The following NXPE1 variants were observed in gnomAD, a reference collection of about 807,000 sequenced individuals.
The protein encoded by NXPE1 is neurexophilin and PC-esterase domain family member 1, also known as NXPE family member 1.
Under a neutral mutation model 33.3 loss-of-function variants are expected in NXPE1, and 31 were observed. The ratio of observed to expected loss-of-function variants is 0.93; its 90% CI spans 0.70 to 1.26. The LOEUF (loss-of-function observed/expected upper bound fraction) is 1.26, where lower values mean the gene tolerates loss of function less well. Among genes scored for constraint, NXPE1 ranks in the 50% most tolerant of loss-of-function variants. The pLI, the probability that NXPE1 is intolerant of heterozygous loss-of-function variation, is 0.00. For synonymous variants in NXPE1, 229 were observed against 231.4 expected, an observed-to-expected ratio of 0.99 and a Z score of 0.09; for missense variants, 661 against 655.6, an observed-to-expected ratio of 1.01 and a Z score of -0.09.
intron 5 of NXPE1, among the ~76,000 whole-genome samples, chr11:114,542,799 C>T (rs936897541): frequency 6.6e-6 from 1 of 151,874 alleles, no homozygotes; most frequent in African/African-American, 2.4e-5. Flanking sequence ...ATCATTAGAA[C>T]AAAAATATAA....
intron 7 of NXPE1, among the ~76,000 whole-genome samples, chr11:114,525,305 G>A (rs1012086527): frequency 6.6e-6 from 1 of 151,658 alleles, no homozygotes; most frequent in African/African-American, 2.4e-5. Flanking sequence ...TATTAGATAG[G>A]GAGACTAATA....
intron 5 of NXPE1, among the ~76,000 whole-genome samples, chr11:114,531,615 A>G (rs1348677941): frequency 1.3e-5 from 2 of 152,012 alleles, no homozygotes; most frequent in Non-Finnish European, 1.5e-5. Flanking sequence ...TCTGTGGCCT[A>G]TTTTCAACTC....
chr11:114,537,516 G>T (rs1947879799), intron 5 of NXPE1, among the ~76,000 whole-genome samples: 1 of 152,180 alleles, frequency 6.6e-6, no homozygotes, highest in Admixed American at 6.5e-5. Flanking sequence ...TGACATGATT[G>T]TATATCTAGA....
At chr11:114,521,867 T>A (rs1485397677) in exon 9 of NXPE1, 4 of 924,820 alleles carry the variant, frequency 4.3e-6, no homozygotes, top group Middle Eastern at 2.4e-4. Context: ...TCTTTTAAAT[T>A]TATTTTCCTT....
chr11:114,557,444 A>T (rs1222417105), intron 1 of NXPE1, among the ~76,000 whole-genome samples: 1 of 151,714 alleles, frequency 6.6e-6, no homozygotes. Context: ...CAGGCATTTC[A>T]GTTCTAGAAA....
intron 5 of NXPE1, among the ~76,000 whole-genome samples, chr11:114,537,177 A>C (rs1947863202): frequency 6.6e-6 from 1 of 152,216 alleles, no homozygotes; most frequent in African/African-American, 2.4e-5. Flanking sequence ...CAAAGACAAA[A>C]ACCAGATGAT....
intron 1 of NXPE1, among the ~76,000 whole-genome samples, chr11:114,558,229 T>C (rs1378103282): frequency 6.6e-6 from 1 of 152,156 alleles, no homozygotes; most frequent in Non-Finnish European, 1.5e-5. Context: ...TATATATCCA[T>C]ATATATGCAC....
chr11:114,535,982 C>T (rs2135006179), intron 5 of NXPE1, among the ~76,000 whole-genome samples: 1 of 152,284 alleles, frequency 6.6e-6, no homozygotes, highest in East Asian at 1.9e-4. Flanking sequence ...AATATACATT[C>T]TTTTCAGCAC....
At chr11:114,523,003 T>C in exon 8 of NXPE1, 1 of 1,613,836 alleles carries the variant, frequency 6.2e-7, no homozygotes, top group Non-Finnish European at 8.5e-7. Flanking sequence ...GGTTGCAAAA[T>C]GTTGTTATCC....
intron 5 of NXPE1, among the ~76,000 whole-genome samples, chr11:114,534,256 A>G (rs1320097200): frequency 1.3e-5 from 2 of 152,230 alleles, no homozygotes; most frequent in African/African-American, 4.8e-5. Flanking sequence ...AACAAACAGA[A>G]AGGACATCCA....
exon 9 of NXPE1, chr11:114,522,267 T>C (rs1410056416): frequency 2.5e-6 from 4 of 1,614,046 alleles, no homozygotes; most frequent in Admixed American, 1.7e-5. Context: ...CGAATAAAAA[T>C]GTCAATGGGA....
At chr11:114,528,076 T>C (rs1172375910) in intron 6 of NXPE1, among the ~76,000 whole-genome samples, 175 bp from the exon 7 acceptor site, 1 of 152,158 alleles carries the variant, frequency 6.6e-6, no homozygotes, top group East Asian at 1.9e-4. Flanking sequence ...TTTGGAAGAC[T>C]TTCTACCCTG....
At chr11:114,527,932 C>T (rs1391410696) in intron 6 of NXPE1, 31 bp from the exon 7 acceptor site, 14 of 1,541,036 alleles carry the variant, frequency 9.1e-6, no homozygotes, top group Non-Finnish European at 1.2e-5. Context: ...AATAAATTAG[C>T]CTGCTCTCTG....
intron 5 of NXPE1, among the ~76,000 whole-genome samples, chr11:114,532,398 T>A (rs1947617275): frequency 6.6e-6 from 1 of 152,020 alleles, no homozygotes; most frequent in South Asian, 2.1e-4. Context: ...AAAACTTACA[T>A]TATAAAATAG....
intron 5 of NXPE1, among the ~76,000 whole-genome samples, chr11:114,532,447 TGTAATATATAACA>T (rs1462951421): frequency 6.6e-6 from 1 of 152,074 alleles, no homozygotes; most frequent in African/African-American, 2.4e-5. Context: ...AAAATAATCA[TGTAATATATAACA>T]GTAAGAATAA....
intron 5 of NXPE1, among the ~76,000 whole-genome samples, chr11:114,539,782 C>G (rs1468509237): frequency 6.6e-6 from 1 of 151,678 alleles, no homozygotes; most frequent in East Asian, 1.9e-4. Flanking sequence ...ATAAACCAAT[C>G]AAAAGAAGTA....
intron 6 of NXPE1, chr11:114,529,448 G>C (rs1947494663): frequency 1.3e-5 from 2 of 152,208 alleles, no homozygotes; most frequent in South Asian, 4.1e-4. Flanking sequence ...TGGATAACAG[G>C]GAAACCAGGA....
intron 5 of NXPE1, among the ~76,000 whole-genome samples, chr11:114,538,800 A>G (rs947775887): frequency 6.6e-6 from 1 of 152,104 alleles, no homozygotes; most frequent in Non-Finnish European, 1.5e-5. Flanking sequence ...GCTGGAGAGG[A>G]TGTGGAGAAA....
At chr11:114,549,203 A>C (rs1422614058) in intron 5 of NXPE1, among the ~76,000 whole-genome samples, 1 of 152,032 alleles carries the variant, frequency 6.6e-6, no homozygotes, top group African/African-American at 2.4e-5. Context: ...AGTCAATCCC[A>C]ATATTACTTA....
Sources: allele counts gnomAD v4.1 joint callset (sites outside exome capture counted in the v4.1 genomes callset), GRCh38; gene constraint gnomAD v4.1.1; transcripts MANE v1.5; gene names NCBI Gene and HGNC (gene_info 2026-07-23, HGNC 2026-07-21).